ITPR2: variants seen among roughly 807,000 people sequenced by gnomAD.
ITPR2 encodes the protein inositol 1,4,5-trisphosphate receptor type 2, also known as inositol 1,4,5-trisphosphate-gated calcium channel ITPR2.
Under a neutral mutation model 317.1 loss-of-function variants are expected in ITPR2, and 207 were observed. The ratio of observed to expected loss-of-function variants is 0.65; its 90% CI spans 0.58 to 0.73. The LOEUF (loss-of-function observed/expected upper bound fraction) is 0.73. Among genes scored for constraint, ITPR2 ranks in the 30% least tolerant of loss-of-function variants. ITPR2 has a pLI of 0.00. For synonymous variants in ITPR2, 1,156 were observed against 1,149.1 expected (o/e 1.01, Z -0.12); for missense variants, 2,613 against 3,284.0 (o/e 0.80, Z 4.99).
At chr12:26,452,298 ATT>A (rs199936127) in intron 45 of ITPR2, among the ~76,000 whole-genome samples, 1 of 151,440 alleles carries the variant, frequency 6.6e-6, no homozygotes, top group African/African-American at 2.4e-5. Flanking sequence ...TTTTTAAAGA[ATT>A]TTTTTTTCCT....
chr12:26,711,583 C>G (rs1737819805), intron 8 of ITPR2, among the ~76,000 whole-genome samples: 1 of 152,162 alleles, frequency 6.6e-6, no homozygotes, highest in African/African-American at 2.4e-5. Context: ...CAAACATTTA[C>G]TTGGCAGCTT....
intron 37 of ITPR2, among the ~76,000 whole-genome samples, chr12:26,546,664 A>G (rs987226516): frequency 2.0e-5 from 3 of 152,176 alleles, no homozygotes; most frequent in Non-Finnish European, 4.4e-5. Flanking sequence ...GCAGGGCTAC[A>G]CTACACTAAC....
rs548226407 is a variant in ITPR2, at chr12:26,655,407, C to G, written c.2589+301G>C. 1.8e-3 allele frequency among the ~76,000 whole-genome samples: 270 copies of G among 152,026 alleles called. 3 individuals are homozygous for G. Among genetic ancestry groups the G allele is most frequent in the African/African-American group, 6.1e-3 (255 of 41,474 alleles). Reference sequence around the variant, plus strand: ...GGGCAGGTGGATCACGAGGTCAGGACATCGAGACCATCCCAGCTAACATGG... The same window carrying G: ...GGGCAGGTGGATCACGAGGTCAGGAGATCGAGACCATCCCAGCTAACATGG... On this transcript the variant is annotated intron_variant, in intron 20 of 56. Coordinates refer to ENST00000381340, the MANE Select transcript of ITPR2 (RefSeq NM_002223.4).
At chr12:26,775,944 A>ATATATATATATG (rs1565755020) in intron 2 of ITPR2, among the ~76,000 whole-genome samples, 1 of 145,412 alleles carries the variant, frequency 6.9e-6, no homozygotes, top group South Asian at 2.1e-4. Flanking sequence ...ATATATATAT[A>ATATATATATATG]TATGTATATG....
chr12:26,406,428 GTTTTTTTTTTTTTT>G (rs11358278), intron 52 of ITPR2: 4 of 100,296 alleles, frequency 4.0e-5, no homozygotes, highest in Admixed American at 1.1e-4. Flanking sequence ...GAAATATGAA[GTTTTTTTTTTTTTT>G]TTTTTTTTTT....
rs935597820 is a variant in ITPR2 at position 26,398,985 on chromosome 12, G to C, written c.7587C>G (p.Ile2529Met). The C allele has an allele frequency of 1.2e-6, 2 of 1,606,754 alleles. No individual in the cohort carries two copies. The highest frequency in any genetic ancestry group is 1.7e-6 in the Non-Finnish European group (2 of 1,178,060). The change falls in exon 54 of 57, where the codon ATC (isoleucine) becomes ATG (methionine). Residue 2529 changes from isoleucine (I) to methionine (M), a missense_variant. Physicochemically the swap from Ile to Met is conservative, Grantham distance 10. This residue lies in a region of ITPR2 where 28 missense variants were observed against 76.0 expected (regional missense o/e 0.37). Coordinates refer to ENST00000381340, the MANE Select transcript of ITPR2 (RefSeq NM_002223.4). ...VYDLLFYFIV[I>M]IIVLNLIFGV... Reference sequence around the variant, plus strand: ...CAAAAATCAAGTTCAGAACAATAATGATAACAATGAAATAAAAAAGAAGGT... The same window carrying C: ...CAAAAATCAAGTTCAGAACAATAATCATAACAATGAAATAAAAAAGAAGGT...
chr12:26,522,520 C>G (rs1340581576), intron 37 of ITPR2, among the ~76,000 whole-genome samples: 2 of 152,184 alleles, frequency 1.3e-5, no homozygotes, highest in Non-Finnish European at 2.9e-5. Context: ...TGCTTTGGAA[C>G]CCCTATCCAG....
intron 1 of ITPR2, among the ~76,000 whole-genome samples, chr12:26,823,541 G>A (rs1950969422): frequency 6.6e-6 from 1 of 152,176 alleles, no homozygotes; most frequent in African/African-American, 2.4e-5. Context: ...CCGGCACACA[G>A]AAAGGGCTCA....
In ITPR2 at chr12:26,695,624, T is replaced by C; in HGVS notation, c.978A>G (p.Gln326=). ...TACTCACCACATTTTTTCCTTCATT[T>C]TGGGCATCTCGATAATCAGGATTAA... ...AELNPDYRDA[Q]NEGKNVRDGV... is the part of the protein sequence containing the mutation. The change falls in exon 10 of 57, where the codon CAA becomes CAG. Residue 326 remains glutamine (Q), a synonymous_variant. Transcript: ENST00000381340. The C allele has an allele frequency of 6.2e-7, 1 of 1,613,108 alleles. No individual in the cohort carries two copies. The highest frequency in any genetic ancestry group is 8.5e-7 in the Non-Finnish European group (1 of 1,179,246).
chr12:26,725,755 G>A lies in ITPR2; in HGVS notation c.174C>T (p.Phe58=), dbSNP rs751831356. The change falls in exon 3 of 57, where the codon TTC becomes TTT. Residue 58 remains phenylalanine, a synonymous_variant. Transcript: ENST00000381340. ...NPPKKFRDCL[F]KVCPMNRYSA... is the part of the protein sequence containing the mutation. ...AATATCTGTTCATAGGGCACACCTT[G>A]AAAAGGCAGTCTGTGACAAACCAAC... The A allele has an allele frequency of 1.7e-5, 28 of 1,610,810 alleles. No individual in the cohort carries two copies. The highest frequency in any genetic ancestry group is 5.5e-5 in the South Asian group (5 of 90,960).
chr12:26,680,231 T>A (rs1948003400), intron 13 of ITPR2, among the ~76,000 whole-genome samples: 1 of 152,046 alleles, frequency 6.6e-6, no homozygotes, highest in Non-Finnish European at 1.5e-5. Context: ...CTCACAAAAT[T>A]TCCAATTTTA....
At chr12:26,753,806 C>G (rs181376142) in intron 2 of ITPR2, among the ~76,000 whole-genome samples, 1 of 152,086 alleles carries the variant, frequency 6.6e-6, no homozygotes, top group Non-Finnish European at 1.5e-5. Context: ...TCAAGACGAC[C>G]CAGCAAACTG....
Position 26,593,586 on chromosome 12 carries a change from T to C in ITPR2, c.4380+1879A>G, listed in dbSNP as rs114279296. On this transcript the variant is annotated intron_variant, in intron 32 of 56. Transcript: ENST00000381340. ...AATATAAACAAGAGGGAAATATTTT[T>C]AAAAACCTTTTTGCAGTATAGCTAA... Among the ~76,000 whole-genome samples, 1,191 of 152,320 alleles carry C rather than the reference T, an allele frequency of 7.8e-3. 8 individuals carry two copies. The highest frequency in any genetic ancestry group is 0.027 in the African/African-American group (1,124 of 41,572).
At chr12:26,753,710 C>T (rs762011651) in intron 2 of ITPR2, among the ~76,000 whole-genome samples, 1 of 152,214 alleles carries the variant, frequency 6.6e-6, no homozygotes, top group Admixed American at 6.5e-5. Flanking sequence ...ATCCGGTCTG[C>T]TTTGCATGTC....
intron 21 of ITPR2, chr12:26,649,083 A>C (rs1036382185): frequency 3.0e-4 from 46 of 152,152 alleles, no homozygotes; most frequent in African/African-American, 1.1e-3. Flanking sequence ...TTTGTTTTAA[A>C]AAACTTTCAA....
intron 34 of ITPR2, among the ~76,000 whole-genome samples, chr12:26,572,407 C>G (rs1945184892): frequency 6.6e-6 from 1 of 152,144 alleles, no homozygotes; most frequent in Admixed American, 6.5e-5. Flanking sequence ...TAGTTTGGCA[C>G]GATGTTTTTT....
At chr12:26,617,586 GTGAA>G (rs141975806) in intron 26 of ITPR2, among the ~76,000 whole-genome samples, 20,336 of 149,718 alleles carry the variant, frequency 0.14, 1,867 homozygotes, top group Admixed American at 0.19. Flanking sequence ...GATAGGAACA[GTGAA>G]AGAAAGAAAG....
intron 1 of ITPR2, among the ~76,000 whole-genome samples, chr12:26,812,854 T>C (rs189033237): frequency 6.6e-6 from 1 of 152,252 alleles, no homozygotes; most frequent in Non-Finnish European, 1.5e-5. Context: ...CAACACTGCC[T>C]TTAAAAAGCC....
intron 1 of ITPR2, among the ~76,000 whole-genome samples, chr12:26,816,954 C>T (rs765620397): frequency 6.6e-6 from 1 of 151,622 alleles, no homozygotes; most frequent in African/African-American, 2.4e-5. Context: ...CCAAGGTGGG[C>T]GGATCACGAG....
Sources: gnomAD v4.1 joint callset for allele counts (sites outside exome capture counted in the v4.1 genomes callset) on GRCh38, gnomAD v4.1.1 for gene constraint, gnomAD v4.1.1 regional missense constraint, MANE v1.5 for transcripts, NCBI Gene and HGNC (gene_info 2026-07-23, HGNC 2026-07-21) for gene names.